Variants in PGM1 observed in about 807,000 individuals in gnomAD.
The protein encoded by PGM1 is phosphoglucomutase-1.
PGM1 carries 52 observed loss-of-function variants against 55.6 expected under a neutral mutation model. The ratio of observed to expected loss-of-function variants is 0.94; its 90% confidence interval spans 0.75 to 1.18. PGM1 has a LOEUF of 1.18. PGM1 is among the 50% of genes most tolerant of loss of function. The probability of loss-of-function intolerance (pLI) is 0.00; values close to 1 mark genes in which losing one functional copy is unlikely to be tolerated. For missense variants in PGM1, 724 were observed against 729.3 expected (o/e 0.99, Z 0.08); for synonymous variants, 287 against 271.7 (o/e 1.06, Z -0.55).
At chr1:63,619,386 G>C (rs575766521) in intron 1 of PGM1, among the ~76,000 whole-genome samples, 1 of 152,218 alleles carries the variant, frequency 6.6e-6, no homozygotes, top group Non-Finnish European at 1.5e-5. Flanking sequence ...CAAAAGCAGT[G>C]CTCAAACTGG....
At chr1:63,608,611 T>C (rs1186509086) in intron 1 of PGM1, among the ~76,000 whole-genome samples, 2 of 152,192 alleles carry the variant, frequency 1.3e-5, no homozygotes, top group African/African-American at 4.8e-5. Context: ...ATGGGGACTT[T>C]GAAAAATGCA....
intron 1 of PGM1, among the ~76,000 whole-genome samples, chr1:63,612,433 A>G (rs1648593834): frequency 6.6e-6 from 1 of 152,190 alleles, no homozygotes; most frequent in African/African-American, 2.4e-5. Context: ...CACTAAGTTA[A>G]ATTATACATT....
chr1:63,618,290 G>A (rs1648792828), intron 1 of PGM1, among the ~76,000 whole-genome samples: 1 of 152,182 alleles, frequency 6.6e-6, no homozygotes. Context: ...TGCATGTGAT[G>A]ACTTAAACTT....
chr1:63,593,705 C>G lies in PGM1; in HGVS notation c.217C>G (p.Leu73Val). The change falls in exon 1 of 11, where the codon CTC becomes GTC. Residue 73 changes from leucine to valine, a missense_variant. This residue lies in a region of PGM1 where 379 missense variants were observed against 357.5 expected (regional missense o/e 1.06). Coordinates refer to ENST00000371084, the MANE Select transcript of PGM1 (RefSeq NM_002633.3). ...GRFYMKEAIQLIARIAAANGI... is the reference protein window; with the variant it reads ...GRFYMKEAIQVIARIAAANGI... ...GTTCTACATGAAGGAGGCCATCCAG[C>G]TCATCGCTCGCATCGCTGCCGCCAA... 2 of 1,601,684 alleles carry G rather than the reference C, an allele frequency of 1.2e-6. No homozygotes were observed. Among genetic ancestry groups the G allele is most frequent in the Non-Finnish European group, 1.7e-6 (2 of 1,176,102 alleles).
intron 7 of PGM1, among the ~76,000 whole-genome samples, chr1:63,643,305 C>T (rs1363278427): frequency 1.3e-5 from 2 of 152,212 alleles, no homozygotes; most frequent in African/African-American, 4.8e-5. Context: ...AGGGGATACG[C>T]CTTGTGCATC....
chr1:63,637,784 A>G (rs1224600771), intron 6 of PGM1, among the ~76,000 whole-genome samples: 1 of 152,208 alleles, frequency 6.6e-6, no homozygotes, highest in African/African-American at 2.4e-5. Context: ...GGAAAAATTG[A>G]TAATCCACAT....
intron 10 of PGM1, among the ~76,000 whole-genome samples, 180 bp from the exon 11 acceptor site, chr1:63,659,406 C>T (rs139718171): frequency 2.1e-4 from 32 of 152,180 alleles, no homozygotes; most frequent in African/African-American, 5.8e-4. Flanking sequence ...AGTGTTGATC[C>T]ACTGAAATAG....
intron 1 of PGM1, among the ~76,000 whole-genome samples, chr1:63,615,187 C>T (rs1354617248): frequency 6.6e-6 from 1 of 152,200 alleles, no homozygotes; most frequent in African/African-American, 2.4e-5. Flanking sequence ...TACCTGCTTT[C>T]GAGATCAGGG....
chr1:63,655,961 C>G (rs899891623), intron 10 of PGM1: 1 of 152,120 alleles, frequency 6.6e-6, no homozygotes, highest in African/African-American at 2.4e-5. Context: ...CAGAGCAGGT[C>G]AAAACTCCCA....
At chr1:63,650,102 C>CT (rs1425960175) in intron 8 of PGM1, among the ~76,000 whole-genome samples, 2 of 152,122 alleles carry the variant, frequency 1.3e-5, no homozygotes, top group African/African-American at 2.4e-5. Flanking sequence ...AATATAATTG[C>CT]TAACCAAGTA....
At chr1:63,605,867 T>C (rs573621827) in intron 1 of PGM1, among the ~76,000 whole-genome samples, 113 of 152,334 alleles carry the variant, frequency 7.4e-4, no homozygotes, top group Non-Finnish European at 6.5e-4. Flanking sequence ...CCACCGCACC[T>C]AGCCCTGGGA....
At chr1:63,614,345 C>T (rs1014135251) in intron 1 of PGM1, among the ~76,000 whole-genome samples, 2 of 152,122 alleles carry the variant, frequency 1.3e-5, no homozygotes, top group Non-Finnish European at 2.9e-5. Context: ...TCTAGGGGTT[C>T]CTAAACTTTT....
rs1487938596 is a variant in PGM1 at position 63,659,929 on chromosome 1, G to A, written c.*254G>A. ...GCCCTCCTGCATTGCTGCTGCGTGGGTATTTGTCTCCTTAGCCATCAGGTA... is the reference window on the plus strand; with the variant it reads ...GCCCTCCTGCATTGCTGCTGCGTGGATATTTGTCTCCTTAGCCATCAGGTA... On this transcript the variant is annotated 3_prime_UTR_variant, in exon 11 of 11. Coordinates refer to ENST00000371084, the MANE Select transcript of PGM1 (RefSeq NM_002633.3). 3.4e-6 allele frequency: 2 copies of A among 583,714 alleles called. No individual in the cohort carries two copies. Among genetic ancestry groups the A allele is most frequent in the East Asian group, 2.9e-5 (1 of 33,956 alleles). 36.2% of individuals were successfully genotyped at this position (583,714 alleles called of 1,614,324 possible).
chr1:63,653,347 T>C (rs1400062024), intron 9 of PGM1, among the ~76,000 whole-genome samples: 2 of 152,188 alleles, frequency 1.3e-5, no homozygotes, highest in Non-Finnish European at 2.9e-5. Flanking sequence ...AAGCAAGAAA[T>C]GGTCAGTGAA....
chr1:63,595,409 C>T lies in PGM1; in HGVS notation c.246+1675C>T, dbSNP rs577472235. On this transcript the variant is annotated intron_variant, in intron 1 of 10. Coordinates refer to ENST00000371084, the MANE Select transcript of PGM1 (RefSeq NM_002633.3). ...GCTCCTGAGAATGAAGAATGAACAG[C>T]CCTTGATCTTGAAGATCTGTTTTCC... Among the ~76,000 whole-genome samples the T allele has an allele frequency of 1.4e-4, 22 of 152,296 alleles. No individual in the cohort carries two copies. The South Asian group carries it at 4.3e-3, about 30-fold the overall frequency.
At position 63,651,856 on chromosome 1, in the gene PGM1, G is replaced by A; in HGVS notation, c.1464+4G>A. ...TGGAAGCATTTCAAGAAATCAGGTA[G>A]AAACAGACCGGTGTGTAAGTGAGAG... On this transcript the variant is annotated splice_donor_region_variant and intron_variant, in intron 9 of 10. Coordinates refer to ENST00000371084, the MANE Select transcript of PGM1 (RefSeq NM_002633.3). 6.2e-7 allele frequency: 1 copy of A among 1,612,996 alleles called. No individual in the cohort carries two copies. The highest frequency in any genetic ancestry group is 1.1e-5 in the South Asian group (1 of 91,032).
intron 1 of PGM1, among the ~76,000 whole-genome samples, chr1:63,626,749 C>T (rs1297132463): frequency 6.6e-6 from 1 of 151,808 alleles, no homozygotes; most frequent in East Asian, 1.9e-4. Context: ...TAAAATTTAC[C>T]ACCGTAACCA....
At chr1:63,593,815 G>T (rs1223125925) in intron 1 of PGM1, 81 bp downstream of exon 1, 3 of 1,344,170 alleles carry the variant, frequency 2.2e-6, no homozygotes, top group South Asian at 1.9e-5. Context: ...CCTCGCTCGG[G>T]GCCGGCCGCT....
At chr1:63,603,886 T>A (rs1254704724) in intron 1 of PGM1, among the ~76,000 whole-genome samples, 1 of 152,232 alleles carries the variant, frequency 6.6e-6, no homozygotes, top group Non-Finnish European at 1.5e-5. Flanking sequence ...ATTTCACTCT[T>A]GTCTTCTTTG....
Sources: allele counts gnomAD v4.1 joint callset (sites outside exome capture counted in the v4.1 genomes callset), GRCh38; gene constraint gnomAD v4.1.1; regional missense constraint gnomAD v4.1.1; transcripts MANE v1.5; gene names NCBI Gene and HGNC (gene_info 2026-07-23, HGNC 2026-07-21).